The following FREM3 variants were observed in gnomAD, a reference collection of about 807,000 sequenced individuals.
FREM3 encodes the protein FRAS1-related extracellular matrix protein 3.
In FREM3, 105 loss-of-function variants were observed where a neutral mutation model predicts 129.1. The observed-to-expected ratio is 0.81, with a 90% confidence interval of 0.69 to 0.96. The LOEUF (loss-of-function observed/expected upper bound fraction) is 0.96. Among genes scored for constraint, FREM3 ranks in the 40% least tolerant of loss-of-function variants. The pLI, the probability that FREM3 is intolerant of heterozygous loss-of-function variation, is 0.00. For missense variants in FREM3, 2,593 were observed against 2,666.3 expected (o/e 0.97, Z 0.61); for synonymous variants, 1,014 against 1,044.9 (o/e 0.97, Z 0.57).
intron 2 of FREM3, among the ~76,000 whole-genome samples, chr4:143,669,236 G>C (rs1359381847): frequency 6.6e-6 from 1 of 152,144 alleles, no homozygotes; most frequent in Non-Finnish European, 1.5e-5. Flanking sequence ...GAACTAGGGT[G>C]CGTTATGAAT....
At chr4:143,629,690 T>G (rs1454092819) in intron 2 of FREM3, among the ~76,000 whole-genome samples, 2 of 152,192 alleles carry the variant, frequency 1.3e-5, no homozygotes, top group Non-Finnish European at 2.9e-5. Context: ...TTTTTCATAG[T>G]TCTTTTATAT....
chr4:143,629,104 C>G (rs1739096609), intron 2 of FREM3, among the ~76,000 whole-genome samples: 2 of 152,052 alleles, frequency 1.3e-5, no homozygotes, highest in South Asian at 4.1e-4. Flanking sequence ...TCAAGGAACC[C>G]ATGAAAACAC....
intron 2 of FREM3, among the ~76,000 whole-genome samples, chr4:143,688,970 G>A (rs955206398): frequency 3.9e-5 from 6 of 152,080 alleles, no homozygotes; most frequent in Non-Finnish European, 8.8e-5. Flanking sequence ...GCTTAGCCAA[G>A]GATTTCATGA....
chr4:143,621,924 A>C lies in FREM3; in HGVS notation c.5654-762T>G, dbSNP rs187574638. ...ATTAAAATATAGGTGTTTGTTTACA[A>C]AGTTTTAGAGGAGATTGTTCCGACT... On this transcript the variant is annotated intron_variant, in intron 4 of 7. Coordinates refer to ENST00000329798, the MANE Select transcript of FREM3 (RefSeq NM_001168235.2). 4.0e-3 allele frequency among the ~76,000 whole-genome samples: 606 copies of C among 152,228 alleles called. 1 individual carries two copies. Among genetic ancestry groups the C allele is most frequent in the Non-Finnish European group, 6.3e-3 (428 of 68,004 alleles).
intron 2 of FREM3, among the ~76,000 whole-genome samples, chr4:143,635,352 A>G (rs1169207706): frequency 6.6e-6 from 1 of 152,224 alleles, no homozygotes; most frequent in Non-Finnish European, 1.5e-5. Flanking sequence ...GTTATTTGCT[A>G]TATTAAGCTG....
intron 7 of FREM3, 32 bp from the exon 8 acceptor site, chr4:143,577,884 A>C: frequency 6.6e-7 from 1 of 1,519,424 alleles, no homozygotes; most frequent in South Asian, 1.2e-5. Context: ...CTGGTGAGAC[A>C]GTAGGATTTG....
chr4:143,693,286 C>A, intron 1 of FREM3, 84 bp from the exon 2 acceptor site: 3 of 528,932 alleles, frequency 5.7e-6, no homozygotes, highest in South Asian at 3.3e-5. Context: ...TTTAATTAGG[C>A]ATAGAAATAC....
intron 7 of FREM3, among the ~76,000 whole-genome samples, chr4:143,583,592 G>A (rs1274736667): frequency 6.6e-6 from 1 of 151,912 alleles, no homozygotes; most frequent in South Asian, 2.1e-4. Context: ...ACCTCATCAG[G>A]CTAACAGCAT....
intron 3 of FREM3, among the ~76,000 whole-genome samples, chr4:143,625,120 C>T (rs1739019063): frequency 6.6e-6 from 1 of 151,956 alleles, no homozygotes; most frequent in African/African-American, 2.4e-5. Context: ...TTAAAATACC[C>T]AATGTGAGAT....
At chr4:143,605,291 A>G (rs1738649121) in intron 6 of FREM3, among the ~76,000 whole-genome samples, 1 of 152,132 alleles carries the variant, frequency 6.6e-6, no homozygotes, top group Non-Finnish European at 1.5e-5. Context: ...AAGTAGGAAT[A>G]TGGCACGGCT....
chr4:143,606,113 C>T (rs866712671), intron 6 of FREM3, among the ~76,000 whole-genome samples: 13 of 152,176 alleles, frequency 8.5e-5, no homozygotes, highest in Middle Eastern at 3.4e-3. Context: ...CAATTGGATT[C>T]TTTGTTCAGT....
At chr4:143,652,597 G>T (rs1739532569) in intron 2 of FREM3, among the ~76,000 whole-genome samples, 1 of 152,158 alleles carries the variant, frequency 6.6e-6, no homozygotes, top group Non-Finnish European at 1.5e-5. Context: ...TGTGAGTTAG[G>T]TAAATTGAGG....
intron 2 of FREM3, among the ~76,000 whole-genome samples, chr4:143,637,752 C>A (rs1040987311): frequency 2.6e-5 from 4 of 152,108 alleles, no homozygotes; most frequent in African/African-American, 9.7e-5. Flanking sequence ...ACCAAAAGAA[C>A]AACAAAGATA....
Position 143,700,031 on chromosome 4 carries a change from G to A in FREM3, c.645C>T (p.His215=). 1 of 1,512,014 alleles carries A rather than the reference G, an allele frequency of 6.6e-7. No homozygotes were observed. The highest frequency in any genetic ancestry group is 1.4e-5 in the African/African-American group (1 of 72,624). 93.7% of individuals were successfully genotyped at this position (1,512,014 alleles called of 1,614,324 possible). A position where few individuals can be genotyped will look rare whatever the true frequency, so the allele number is the denominator to read the frequency against. ...TRRCRLTPLP[H]EDGPLPKYGR... is the part of the protein sequence containing the mutation. The stretch of plus-strand genomic sequence containing the variant: ...CGTACTTGGGCAGGGGGCCGTCCTC[G>A]TGAGGAAGTGGGGTAAGCCGGCACC... The change falls in exon 1 of 8, where the codon CAC becomes CAT. Residue 215 remains histidine, a synonymous_variant. Coordinates refer to ENST00000329798, the MANE Select transcript of FREM3 (RefSeq NM_001168235.2).
chr4:143,671,931 A>G (rs947707611), intron 2 of FREM3, among the ~76,000 whole-genome samples: 1 of 152,188 alleles, frequency 6.6e-6, no homozygotes, highest in Non-Finnish European at 1.5e-5. Flanking sequence ...TCTGAATGAG[A>G]TTTTATAGTC....
rs1740605627 is a variant in FREM3, at chr4:143,697,847, A to G, written c.2829T>C (p.Pro943=). The G allele has an allele frequency of 6.5e-7, 1 of 1,537,798 alleles. No individual in the cohort carries two copies. The highest frequency in any genetic ancestry group is 8.7e-7 in the Non-Finnish European group (1 of 1,146,984). ...SVHPNVANRS[P]RISLRSSSLL... is the part of the protein sequence containing the mutation. ...ATGAACTACTTCTGAGAGAGATCCT[A>G]GGACTTCTGTTAGCCACATTGGGAT... The change falls in exon 1 of 8, where the codon CCT becomes CCC. Residue 943 remains proline (P), a synonymous_variant. Transcript: ENST00000329798.
chr4:143,589,873 G>C (rs896241154), intron 6 of FREM3, among the ~76,000 whole-genome samples: 3 of 152,192 alleles, frequency 2.0e-5, no homozygotes, highest in Admixed American at 2.0e-4. Context: ...CTACCCATGA[G>C]CATGGAATGT....
chr4:143,647,322 T>C (rs1739436237), intron 2 of FREM3, among the ~76,000 whole-genome samples: 1 of 152,164 alleles, frequency 6.6e-6, no homozygotes, highest in Non-Finnish European at 1.5e-5. Context: ...GACAATGTGA[T>C]AGAAAAGAAA....
At chr4:143,660,095 C>G (rs1444305438) in intron 2 of FREM3, among the ~76,000 whole-genome samples, 8 of 149,720 alleles carry the variant, frequency 5.3e-5, no homozygotes, top group Non-Finnish European at 1.0e-4. Context: ...AATTAGATCC[C>G]ATTTGTCAAT....
Sources: gnomAD v4.1 joint callset for allele counts (sites outside exome capture counted in the v4.1 genomes callset) on GRCh38, gnomAD v4.1.1 for gene constraint, MANE v1.5 for transcripts, NCBI Gene and HGNC (gene_info 2026-07-23, HGNC 2026-07-21) for gene names.